The following ATP2C2 variants were observed in gnomAD, a reference collection of about 807,000 sequenced individuals.
The protein encoded by ATP2C2 is ATPase secretory pathway Ca2+ transporting 2.
In ATP2C2, 171 loss-of-function variants were observed where a neutral mutation model predicts 110.8. That is an observed-to-expected ratio of 1.54 (90% CI 1.36 to 1.75). The LOEUF (loss-of-function observed/expected upper bound fraction) is 1.75, where lower values mean the gene tolerates loss of function less well. Ranked by LOEUF, ATP2C2 falls within the 40% of genes most tolerant of loss-of-function variation. ATP2C2 has a pLI of 0.00. For synonymous variants in ATP2C2, 804 were observed against 508.4 expected, an observed-to-expected ratio of 1.58 and a Z score of -7.82; for missense variants, 1,963 against 1,235.0, an observed-to-expected ratio of 1.59 and a Z score of -8.84.
intron 1 of ATP2C2, among the ~76,000 whole-genome samples, chr16:84,388,937 A>G (rs1191158201): frequency 6.6e-6 from 1 of 151,924 alleles, no homozygotes; most frequent in Non-Finnish European, 1.5e-5. Flanking sequence ...ATGCTCGGCT[A>G]ATTTTTGTAT....
chr16:84,446,036 C>T (rs1290104290), intron 15 of ATP2C2, among the ~76,000 whole-genome samples: 1 of 152,214 alleles, frequency 6.6e-6, no homozygotes, highest in Non-Finnish European at 1.5e-5. Flanking sequence ...GCTACACCTT[C>T]AAGTCTGAAA....
chr16:84,414,401 C>A (rs919497152), intron 6 of ATP2C2, among the ~76,000 whole-genome samples: 3 of 152,200 alleles, frequency 2.0e-5, no homozygotes, highest in African/African-American at 7.2e-5. Flanking sequence ...TCCTCATGAT[C>A]CCAGATGGCT....
At chr16:84,428,204 C>T (rs942804270) in intron 11 of ATP2C2, among the ~76,000 whole-genome samples, 1 of 152,200 alleles carries the variant, frequency 6.6e-6, no homozygotes, top group Non-Finnish European at 1.5e-5. Context: ...GTTGAGTGTA[C>T]TGGGTCTGGT....
At chr16:84,426,308 G>A (rs965940413) in intron 11 of ATP2C2, among the ~76,000 whole-genome samples, 53 of 152,190 alleles carry the variant, frequency 3.5e-4, no homozygotes, top group Admixed American at 2.7e-3. Flanking sequence ...CAGCAAGAAC[G>A]GCTCGAAGGA....
intron 1 of ATP2C2, among the ~76,000 whole-genome samples, chr16:84,384,765 T>C (rs567712657): frequency 6.6e-6 from 1 of 152,314 alleles, no homozygotes; most frequent in East Asian, 1.9e-4. Flanking sequence ...AAGAAATACC[T>C]GAAGCCGGGC....
At chr16:84,398,279 A>T (rs1467609666) in intron 1 of ATP2C2, among the ~76,000 whole-genome samples, 1 of 151,974 alleles carries the variant, frequency 6.6e-6, no homozygotes, top group Admixed American at 6.6e-5. Context: ...GGTGATGCGT[A>T]CCTGTAATCC....
chr16:84,398,729 G>T, intron 2 of ATP2C2, 120 bp downstream of exon 2: 1 of 791,480 alleles, frequency 1.3e-6, no homozygotes, highest in Non-Finnish European at 1.9e-6. Flanking sequence ...TATCATCAAG[G>T]TTGGAAAATA....
At chr16:84,430,309 G>A (rs247839) in intron 11 of ATP2C2, among the ~76,000 whole-genome samples, 54,964 of 152,088 alleles carry the variant, frequency 0.36, 10,799 homozygotes, top group Non-Finnish European at 0.44. Context: ...TACGCGAACG[G>A]CAAAGTTGCC....
At chr16:84,392,696 C>T (rs1904732542) in intron 1 of ATP2C2, among the ~76,000 whole-genome samples, 1 of 152,210 alleles carries the variant, frequency 6.6e-6, no homozygotes, top group Non-Finnish European at 1.5e-5. Flanking sequence ...CTGCTGACTT[C>T]AGGTGATCTG....
chr16:84,381,495 TGAACCTGG>T (rs1910575597), intron 1 of ATP2C2, among the ~76,000 whole-genome samples: 1 of 152,064 alleles, frequency 6.6e-6, no homozygotes, highest in African/African-American at 2.4e-5. Context: ...GAGAATTGCT[TGAACCTGG>T]GAAGCAGAGG....
chr16:84,390,274 C>T (rs1003653772), intron 1 of ATP2C2, among the ~76,000 whole-genome samples: 4 of 152,318 alleles, frequency 2.6e-5, no homozygotes, highest in East Asian at 1.9e-4. Flanking sequence ...GCTGTTCGCC[C>T]GGAGGTGCCG....
intron 11 of ATP2C2, among the ~76,000 whole-genome samples, chr16:84,435,102 A>G (rs1908621593): frequency 1.3e-5 from 2 of 152,230 alleles, no homozygotes; most frequent in African/African-American, 2.4e-5. Flanking sequence ...CACCATTCAC[A>G]ACCATTCTAT....
rs201800417 is a variant in ATP2C2, at chr16:84,442,569, C to T, written c.1371C>T (p.Thr457=). ...IRKNAVMGQP[T]EGALMALAMK... ...AGAACGCCGTGATGGGGCAGCCCAC[C>T]GAGGGTGCATTGATGGCCCTGGCGA... The change falls in exon 15 of 27, where the codon ACC becomes ACT. Residue 457 remains threonine, a synonymous_variant. Coordinates refer to ENST00000262429, the MANE Select transcript of ATP2C2 (RefSeq NM_014861.4). 2.4e-5 allele frequency: 38 copies of T among 1,613,930 alleles called. No individual in the cohort carries two copies. Among genetic ancestry groups the T allele is most frequent in the African/African-American group, 1.9e-4 (14 of 74,906 alleles).
intron 1 of ATP2C2, among the ~76,000 whole-genome samples, chr16:84,396,976 A>T (rs1905023631): frequency 6.6e-6 from 1 of 151,882 alleles, no homozygotes. Context: ...GCGGCTGTCA[A>T]GAAGGAAGAG....
chr16:84,426,258 C>A (rs1158150456), intron 11 of ATP2C2, among the ~76,000 whole-genome samples: 1 of 151,974 alleles, frequency 6.6e-6, no homozygotes, highest in East Asian at 1.9e-4. Flanking sequence ...GGGGAGATGC[C>A]ACATGCTTTG....
intron 6 of ATP2C2, 90 bp from the exon 7 acceptor site, chr16:84,415,393 G>A: frequency 9.3e-7 from 1 of 1,075,664 alleles, no homozygotes; most frequent in Non-Finnish European, 1.4e-6. Flanking sequence ...AGAGAAAAGT[G>A]TGTTTCTATT....
Position 84,398,533 on chromosome 16 carries a change from AAG to A in ATP2C2, c.138_139del (p.Lys47GlufsTer46). The A allele has an allele frequency of 6.2e-7, 1 of 1,613,326 alleles. No homozygotes were observed. The highest frequency in any genetic ancestry group is 8.5e-7 in the Non-Finnish European group (1 of 1,179,758). ...CAGAGTGAGCTGAAAGCCATCGAGA[AAG>A]AGAAGAAGGTGACAGCCCTGCCCCC... is the stretch of plus-strand genomic sequence containing the variant. On this transcript the variant is annotated frameshift_variant, in exon 2 of 27. Transcript: ENST00000262429. LOFTEE classifies it high-confidence loss of function.
chr16:84,368,723 C>A lies in ATP2C2; in HGVS notation c.99+9C>A. The A allele has an allele frequency of 2.0e-6, 3 of 1,513,096 alleles. No individual in the cohort carries two copies. Among genetic ancestry groups the A allele is most frequent in the Non-Finnish European group, 2.7e-6 (3 of 1,131,516 alleles). 93.7% of individuals were successfully genotyped at this position (1,513,096 alleles called of 1,614,324 possible). A position where few individuals can be genotyped will look rare whatever the true frequency, so the allele number is the denominator to read the frequency against. ...ACGAAGAGGAAGCCTTGGTGAGTCC[C>A]CGCGACTCCGCGCCGGGCGTGCGAC... On this transcript the variant is annotated intron_variant, in intron 1 of 26. Coordinates refer to ENST00000262429, the MANE Select transcript of ATP2C2 (RefSeq NM_014861.4).
At chr16:84,372,773 A>G (rs940076525) in intron 1 of ATP2C2, among the ~76,000 whole-genome samples, 4 of 152,158 alleles carry the variant, frequency 2.6e-5, no homozygotes, top group African/African-American at 9.6e-5. Context: ...AGTAAGTATA[A>G]GCATAAAACT....
Sources: gnomAD v4.1 joint callset for allele counts (sites outside exome capture counted in the v4.1 genomes callset) on GRCh38, gnomAD v4.1.1 for gene constraint, MANE v1.5 for transcripts, NCBI Gene and HGNC (gene_info 2026-07-23, HGNC 2026-07-21) for gene names.